KIF15: variants seen among roughly 807,000 people sequenced by gnomAD.
KIF15 encodes kinesin family member 15, also known as kinesin-like protein KIF15.
Under a neutral mutation model 190.6 loss-of-function variants are expected in KIF15, and 140 were observed. The ratio of observed to expected loss-of-function variants is 0.73; its 90% CI spans 0.64 to 0.84. The LOEUF (loss-of-function observed/expected upper bound fraction) is 0.84. KIF15 is among the 40% of genes least tolerant of loss of function. The pLI is 0.00. For synonymous variants in KIF15, 528 were observed against 551.3 expected (o/e 0.96, Z 0.59); for missense variants, 1,372 against 1,584.4 (o/e 0.87, Z 2.28).
intron 20 of KIF15, among the ~76,000 whole-genome samples, chr3:44,819,627 G>A (rs1708176083): frequency 6.6e-6 from 1 of 151,856 alleles, no homozygotes; most frequent in South Asian, 2.1e-4. Context: ...TGTGATTTCT[G>A]TTTTTTTTAC....
At chr3:44,792,931 C>T (rs1342486786) in intron 7 of KIF15, among the ~76,000 whole-genome samples, 1 of 152,082 alleles carries the variant, frequency 6.6e-6, no homozygotes, top group Non-Finnish European at 1.5e-5. Context: ...TCAATATGCC[C>T]TTTGAGATAA....
intron 20 of KIF15, among the ~76,000 whole-genome samples, chr3:44,821,995 G>A (rs1038159924): frequency 3.3e-5 from 5 of 152,162 alleles, no homozygotes; most frequent in African/African-American, 4.8e-5. Context: ...GTGGCGGTGC[G>A]TGCCTGCAAT....
intron 7 of KIF15, among the ~76,000 whole-genome samples, chr3:44,787,882 T>C (rs1274044113): frequency 1.3e-5 from 2 of 152,204 alleles, no homozygotes; most frequent in African/African-American, 4.8e-5. Flanking sequence ...GGAGACAGAA[T>C]CTTGCTCTGT....
intron 30 of KIF15, among the ~76,000 whole-genome samples, chr3:44,843,465 T>A (rs7633429): frequency 0.019 from 2,835 of 152,318 alleles, 75 homozygotes; most frequent in African/African-American, 0.063. Flanking sequence ...GAAATGAATT[T>A]AAAACATGTG....
At chr3:44,789,642 TTATATATATATA>T (rs56009369) in intron 7 of KIF15, among the ~76,000 whole-genome samples, 2,021 of 113,400 alleles carry the variant, frequency 0.018, 59 homozygotes, top group African/African-American at 0.065. Flanking sequence ...TTGTCTAATT[TTATATATATATA>T]TATATATATA....
At chr3:44,827,370 A>G (rs1326812583) in intron 22 of KIF15, 89 bp from the exon 23 acceptor site, 6 of 914,906 alleles carry the variant, frequency 6.6e-6, no homozygotes, top group African/African-American at 3.3e-5. Flanking sequence ...AACAAAGTTC[A>G]TTTGCACTTA....
chr3:44,825,955 A>T, intron 20 of KIF15, 84 bp from the exon 21 acceptor site: 1 of 1,215,194 alleles, frequency 8.2e-7, no homozygotes. Context: ...GCTGTAGATG[A>T]GATAAATTGA....
At position 44,801,482 on chromosome 3, in the gene KIF15, CA is replaced by C; in HGVS notation, c.1256del (p.Gln419ArgfsTer17). 6.3e-7 allele frequency: 1 copy of C among 1,575,450 alleles called. No homozygotes were observed. On this transcript the variant is annotated frameshift_variant, in exon 12 of 35. Transcript: ENST00000326047. LOFTEE classifies it high-confidence loss of function. ...KKKTNYMEYF[Q>X]EAMLFFKKSE... is the part of the protein sequence containing the mutation. ...GAAGACTAACTATATGGAGTATTTC[CA>C]GGAAGCAATGTTATTCTTTAAGAAA...
intron 20 of KIF15, among the ~76,000 whole-genome samples, chr3:44,820,254 ATTGTTATGTGTGAAT>A (rs993986225): frequency 4.0e-5 from 6 of 148,420 alleles, no homozygotes; most frequent in African/African-American, 1.5e-4. Context: ...TAAGGTTAAT[ATTGTTATGTGTGAAT>A]TTGATCCTGT....
intron 6 of KIF15, chr3:44,863,380 G>C (rs768430764): frequency 2.1e-5 from 3 of 140,186 alleles, no homozygotes; most frequent in Non-Finnish European, 3.0e-5. Flanking sequence ...CCTTTGTGTA[G>C]GAGGCTTCTA....
rs1705453140 is a variant in KIF15 at position 44,767,631 on chromosome 3, C to T, written c.19+5747C>T. Among the ~76,000 whole-genome samples, 3 of 121,658 alleles carry T rather than the reference C, an allele frequency of 2.5e-5. No homozygotes were observed. The South Asian group carries it at 8.1e-4, about 33-fold the overall frequency. The allele number at this position is 121,658 out of a possible 152,430, so 79.8% of individuals were successfully genotyped here. A position where few individuals can be genotyped will look rare whatever the true frequency, so the allele number is the denominator to read the frequency against. ...TGGAGCTCGGCTGGGCGTGGTGGCT[C>T]ACGCCTGTAATCCCAGCACTTTGGG... On this transcript the variant is annotated intron_variant, in intron 1 of 34. Coordinates refer to ENST00000326047, the MANE Select transcript of KIF15 (RefSeq NM_020242.3).
At position 44,805,176 on chromosome 3, in the gene KIF15, C is replaced by A; in HGVS notation, c.1829+8C>A. On this transcript the variant is annotated splice_region_variant and intron_variant, in intron 15 of 34. Transcript: ENST00000326047. ...ATTCAAAGAACTTACTAGGTAAAGT[C>A]TAAATACACATGCATGCACACTTAT... 2 of 1,607,480 alleles carry A rather than the reference C, an allele frequency of 1.2e-6. No individual in the cohort carries two copies. Among genetic ancestry groups the A allele is most frequent in the South Asian group, 2.2e-5 (2 of 89,508 alleles).
chr3:44,825,021 A>G (rs1452076879), intron 20 of KIF15, among the ~76,000 whole-genome samples: 2 of 152,126 alleles, frequency 1.3e-5, no homozygotes, highest in Non-Finnish European at 2.9e-5. Flanking sequence ...CAGCTTCCCA[A>G]AGTGCTGGGA....
At chr3:44,777,664 C>T (rs913297224) in intron 3 of KIF15, among the ~76,000 whole-genome samples, 6 of 151,990 alleles carry the variant, frequency 3.9e-5, no homozygotes, top group Middle Eastern at 3.2e-3. Context: ...GCACTAAAGG[C>T]GACAGAGTGA....
intron 6 of KIF15, among the ~76,000 whole-genome samples, chr3:44,867,285 G>T (rs977268474): frequency 3.9e-5 from 6 of 152,268 alleles, no homozygotes; most frequent in Non-Finnish European, 8.8e-5. Flanking sequence ...GACTCAGCAT[G>T]CCCAAACCTC....
At chr3:44,852,436 G>A (rs975680401) in intron 34 of KIF15, 97 bp downstream of exon 34, 8 of 1,206,196 alleles carry the variant, frequency 6.6e-6, no homozygotes, top group Non-Finnish European at 9.2e-6. Flanking sequence ...TCAGTTAACT[G>A]CTTACTTCAG....
chr3:44,830,593 G>A (rs1430985878), intron 25 of KIF15, among the ~76,000 whole-genome samples: 2 of 152,144 alleles, frequency 1.3e-5, no homozygotes, highest in Admixed American at 6.5e-5. Flanking sequence ...CCTCTGGGTC[G>A]AGGCGAAGGC....
chr3:44,866,080 G>GT (rs59934232), intron 6 of KIF15, among the ~76,000 whole-genome samples: 63,230 of 140,804 alleles, frequency 0.45, 15,159 homozygotes, highest in East Asian at 0.82. Context: ...GTTTTTTTGG[G>GT]TTTTTTTTTT....
intron 32 of KIF15, among the ~76,000 whole-genome samples, chr3:44,848,797 C>T (rs1041955173): frequency 2.0e-5 from 3 of 152,150 alleles, no homozygotes; most frequent in Admixed American, 6.5e-5. Flanking sequence ...CTTGAGGAAT[C>T]GATGGGGCTT....
Sources: allele counts gnomAD v4.1 joint callset (sites outside exome capture counted in the v4.1 genomes callset), GRCh38; gene constraint gnomAD v4.1.1; transcripts MANE v1.5; gene names NCBI Gene and HGNC (gene_info 2026-07-23, HGNC 2026-07-21).